The following NAALADL2 variants were observed in gnomAD, a reference collection of about 807,000 sequenced individuals.
NAALADL2 encodes the protein N-acetylated alpha-linked acidic dipeptidase like 2, also known as inactive N-acetylated-alpha-linked acidic dipeptidase-like protein 2.
In NAALADL2, 76 loss-of-function variants were observed where a neutral mutation model predicts 87.2. That is an observed-to-expected ratio of 0.87 (90% confidence interval 0.72 to 1.05). The LOEUF (loss-of-function observed/expected upper bound fraction) is 1.05. Among genes scored for constraint, NAALADL2 ranks in the 50% least tolerant of loss-of-function variants. NAALADL2 has a pLI of 0.00. For synonymous variants in NAALADL2, 354 were observed against 331.0 expected, an observed-to-expected ratio of 1.07 and a Z score of -0.75; for missense variants, 1,089 against 945.8, an observed-to-expected ratio of 1.15 and a Z score of -1.99.
chr3:174,943,574 C>T (rs28821274), intron 1 of NAALADL2, among the ~76,000 whole-genome samples: 81 of 152,260 alleles, frequency 5.3e-4, no homozygotes, highest in African/African-American at 1.1e-3. Flanking sequence ...TGGCAGCAGA[C>T]GAAGGGACCC....
intron 1 of NAALADL2, among the ~76,000 whole-genome samples, chr3:174,979,037 T>C (rs1349995601): frequency 6.6e-6 from 1 of 152,122 alleles, no homozygotes; most frequent in Non-Finnish European, 1.5e-5. Context: ...GATTATTGTC[T>C]CTCAGAAAAG....
At chr3:175,325,675 A>G (rs1440152895) in intron 5 of NAALADL2, among the ~76,000 whole-genome samples, 1 of 152,208 alleles carries the variant, frequency 6.6e-6, no homozygotes, top group Admixed American at 6.5e-5. Context: ...CCATTACTCA[A>G]CATTTTCTTG....
At chr3:175,530,845 C>T (rs4410455) in intron 9 of NAALADL2, among the ~76,000 whole-genome samples, 14,552 of 152,216 alleles carry the variant, frequency 0.096, 2,323 homozygotes, top group African/African-American at 0.33. Flanking sequence ...CACCCAGTTC[C>T]TGATGGGCAG....
intron 1 of NAALADL2, among the ~76,000 whole-genome samples, chr3:174,529,673 C>G (rs1203956581): frequency 6.6e-6 from 1 of 152,194 alleles, no homozygotes; most frequent in Non-Finnish European, 1.5e-5. Context: ...GCTGAGGTTC[C>G]CACACTGCAG....
intron 3 of NAALADL2, among the ~76,000 whole-genome samples, chr3:175,238,628 A>G (rs1334312106): frequency 6.6e-6 from 1 of 152,126 alleles, no homozygotes. Context: ...TTCAAAAGCA[A>G]TTTCTAGGTG....
At position 175,471,784 on chromosome 3, in the gene NAALADL2, A is replaced by C. The variant is rs200158552; in HGVS notation, c.1653+26A>C. 9.3e-4 allele frequency: 1,457 copies of C among 1,566,702 alleles called. 2 individuals are homozygous for C. The highest frequency in any genetic ancestry group is 3.0e-3 in the Middle Eastern group (18 of 5,958). ...GTAAGACAAACCACTATTGTATCAA[A>C]TGATTATGCAAAACCGACCTTTTCT... On this transcript the variant is annotated intron_variant, in intron 9 of 13. Transcript: ENST00000454872.
intron 1 of NAALADL2, among the ~76,000 whole-genome samples, chr3:174,937,641 G>A (rs1737895031): frequency 6.6e-6 from 1 of 152,036 alleles, no homozygotes; most frequent in Non-Finnish European, 1.5e-5. Flanking sequence ...TTCCAGGGTT[G>A]CTAAGCAACT....
At chr3:174,854,729 A>T (rs1042283210), upstream of NAALADL2, among the ~76,000 whole-genome samples, 22 of 152,252 alleles carry the variant, frequency 1.4e-4, no homozygotes, top group East Asian at 2.3e-3. Context: ...ACTTTAAAAG[A>T]ATAAAATAAC....
chr3:174,845,350 C>T (rs1239453802), intron 3 of NAALADL2, among the ~76,000 whole-genome samples: 1 of 152,178 alleles, frequency 6.6e-6, no homozygotes, highest in Non-Finnish European at 1.5e-5. Flanking sequence ...TACTGGCTCT[C>T]TCCAGTAGGC....
chr3:175,133,486 G>A (rs1179446367), intron 2 of NAALADL2, among the ~76,000 whole-genome samples: 2 of 152,226 alleles, frequency 1.3e-5, no homozygotes, highest in African/African-American at 2.4e-5. Context: ...TTGGGATGCC[G>A]AGGCTGGCGG....
intron 11 of NAALADL2, among the ~76,000 whole-genome samples, chr3:175,715,244 T>C (rs536281794): frequency 1.3e-5 from 2 of 152,308 alleles, no homozygotes; most frequent in South Asian, 2.1e-4. Context: ...AACTGGCTGC[T>C]ACACCATTGT....
At position 175,160,360 on chromosome 3, in the gene NAALADL2, C is replaced by CTTTTTTTTTTTTTTTTTT. The variant is rs71164618; in HGVS notation, c.545+63080_545+63097dup. On this transcript the variant is annotated intron_variant, in intron 2 of 13. Coordinates refer to ENST00000454872, the MANE Select transcript of NAALADL2 (RefSeq NM_207015.3). ...TATATTATATGTGTATCTTTTCTTT[C>CTTTTTTTTTTTTTTTTTT]TTTTTTTTTTTTTTTTTTTTTTTTT... 1.1e-4 allele frequency among the ~76,000 whole-genome samples: 6 copies of CTTTTTTTTTTTTTTTTTT among 57,034 alleles called. 1 individual carries two copies. Among genetic ancestry groups the CTTTTTTTTTTTTTTTTTT allele is most frequent in the Admixed American group, 4.6e-4 (2 of 4,362 alleles). The allele number at this position is 57,034 out of a possible 152,430, so 37.4% of individuals were successfully genotyped here. A position where few individuals can be genotyped will look rare whatever the true frequency, so the allele number is the denominator to read the frequency against.
At chr3:174,477,340 G>A (rs534734121) in intron 1 of NAALADL2, among the ~76,000 whole-genome samples, 1 of 152,046 alleles carries the variant, frequency 6.6e-6, no homozygotes, top group Non-Finnish European at 1.5e-5. Context: ...TTAATAGTAT[G>A]AAAGCATAAA....
At chr3:174,746,543 C>T (rs1395309349) in intron 3 of NAALADL2, among the ~76,000 whole-genome samples, 1 of 151,908 alleles carries the variant, frequency 6.6e-6, no homozygotes, top group Non-Finnish European at 1.5e-5. Flanking sequence ...TCCCATTAAA[C>T]TACTATTGAC....
chr3:174,466,421 T>C (rs1716539907), intron 1 of NAALADL2, among the ~76,000 whole-genome samples: 1 of 152,086 alleles, frequency 6.6e-6, no homozygotes, highest in Admixed American at 6.6e-5. Flanking sequence ...CATGGCTACC[T>C]ATGGCTGCAA....
rs115212568 is a variant in NAALADL2, at chr3:175,661,454, A to G, written c.1896+34068A>G. Among the ~76,000 whole-genome samples, 247 of 151,596 alleles carry G rather than the reference A, an allele frequency of 1.6e-3. 1 individual carries two copies. Among genetic ancestry groups the G allele is most frequent in the African/African-American group, 5.6e-3 (230 of 41,408 alleles). On this transcript the variant is annotated intron_variant, in intron 11 of 13. Transcript: ENST00000454872. ...GCAAATATTTTCTCCCATTCTGTAAATTGTCACTTCACTTTGTTAATTGGT... is the reference window on the plus strand; with the variant it reads ...GCAAATATTTTCTCCCATTCTGTAAGTTGTCACTTCACTTTGTTAATTGGT...
chr3:175,596,824 A>G (rs755775185), intron 10 of NAALADL2, among the ~76,000 whole-genome samples: 12 of 151,944 alleles, frequency 7.9e-5, no homozygotes, highest in Non-Finnish European at 1.3e-4. Context: ...TTTACCGCCT[A>G]AGTCCTAAAA....
intron 12 of NAALADL2, among the ~76,000 whole-genome samples, chr3:175,747,297 T>C (rs1746051439): frequency 6.6e-6 from 1 of 152,234 alleles, no homozygotes; most frequent in South Asian, 2.1e-4. Context: ...TTCTCCATTC[T>C]GAGTACTTCA....
chr3:175,555,887 CT>C lies in NAALADL2; in HGVS notation c.1654-20153del, dbSNP rs371884376. ...GATTCTTAGCGGAAAATTTTACCTTCTGTTGAATGTTTGAGATTGGAACTGA... is the reference window on the plus strand; with the variant it reads ...GATTCTTAGCGGAAAATTTTACCTTCGTTGAATGTTTGAGATTGGAACTGA... On this transcript the variant is annotated intron_variant, in intron 9 of 13. Transcript: ENST00000454872. Among the ~76,000 whole-genome samples, 718 of 152,286 alleles carry C rather than the reference CT, an allele frequency of 4.7e-3. 5 individuals carry two copies. Among genetic ancestry groups the C allele is most frequent in the Middle Eastern group, 0.031 (9 of 294 alleles).
Sources: gnomAD v4.1 joint callset for allele counts (sites outside exome capture counted in the v4.1 genomes callset) on GRCh38, gnomAD v4.1.1 for gene constraint, MANE v1.5 for transcripts, NCBI Gene and HGNC (gene_info 2026-07-23, HGNC 2026-07-21) for gene names.